The following ARHGAP23 variants were observed in gnomAD, a reference collection of about 807,000 sequenced individuals.
ARHGAP23 encodes Rho GTPase activating protein 23.
ARHGAP23 carries 34 observed loss-of-function variants against 136.3 expected under a neutral mutation model. That is an observed-to-expected ratio of 0.25 (90% CI 0.19 to 0.33). The LOEUF (loss-of-function observed/expected upper bound fraction) is 0.33, where lower values mean the gene tolerates loss of function less well. Ranked by LOEUF, ARHGAP23 falls within the 10% of genes least tolerant of loss-of-function variation. The probability of loss-of-function intolerance (pLI) is 1.00; values close to 1 mark genes in which losing one functional copy is unlikely to be tolerated. For synonymous variants in ARHGAP23, 832 were observed against 920.5 expected (o/e 0.90, Z 1.74); for missense variants, 1,808 against 2,139.0 (o/e 0.85, Z 3.05).
intron 20 of ARHGAP23, among the ~76,000 whole-genome samples, chr17:38,497,135 T>C (rs185248894): frequency 0.047 from 7,165 of 152,230 alleles, 588 homozygotes; most frequent in African/African-American, 0.16. Flanking sequence ...ATTTTTTTTT[T>C]CAGAAAACTT....
chr17:38,497,878 C>T, intron 21 of ARHGAP23, 52 bp downstream of exon 21: 1 of 1,541,842 alleles, frequency 6.5e-7, no homozygotes, highest in Non-Finnish European at 8.8e-7. Context: ...GGGGTGAGCC[C>T]CAGTCCTTGG....
intron 6 of ARHGAP23, among the ~76,000 whole-genome samples, chr17:38,463,843 C>A (rs2039518733): frequency 1.3e-5 from 2 of 152,276 alleles, no homozygotes; most frequent in African/African-American, 4.8e-5. Flanking sequence ...CACAGCACAG[C>A]CCCACAGTCC....
chr17:38,472,375 G>A (rs564792729), intron 11 of ARHGAP23, among the ~76,000 whole-genome samples: 1 of 152,058 alleles, frequency 6.6e-6, no homozygotes, highest in African/African-American at 2.4e-5. Flanking sequence ...CCAAGAAGAC[G>A]CAGGCAAGCC....
At chr17:38,452,803 A>C (rs1202612353) in intron 1 of ARHGAP23, among the ~76,000 whole-genome samples, 2 of 152,214 alleles carry the variant, frequency 1.3e-5, no homozygotes, top group Non-Finnish European at 2.9e-5. Context: ...CGAGCAGGGC[A>C]GGGGCTAGCA....
intron 1 of ARHGAP23, among the ~76,000 whole-genome samples, chr17:38,455,300 G>A (rs1215615787): frequency 6.6e-6 from 1 of 152,230 alleles, no homozygotes; most frequent in Non-Finnish European, 1.5e-5. Flanking sequence ...AAGCAGGTGT[G>A]TGGTAGCTGT....
At chr17:38,428,207 A>C (rs965162454), upstream of ARHGAP23, among the ~76,000 whole-genome samples, 153 of 152,106 alleles carry the variant, frequency 1.0e-3, no homozygotes, top group Admixed American at 2.2e-3. Context: ...CGTCTCCTGG[A>C]GACCGCCTCT....
At chr17:38,509,696 G>A (rs1014588896) in intron 23 of ARHGAP23, among the ~76,000 whole-genome samples, 1 of 152,208 alleles carries the variant, frequency 6.6e-6, no homozygotes, top group Admixed American at 6.5e-5. Flanking sequence ...ATGGAAGGGG[G>A]CTTTGGGAGA....
intron 23 of ARHGAP23, among the ~76,000 whole-genome samples, chr17:38,503,012 C>T (rs2040554387): frequency 6.6e-6 from 1 of 152,210 alleles, no homozygotes; most frequent in African/African-American, 2.4e-5. Flanking sequence ...CATGCCACTG[C>T]ACTCCAGCCT....
chr17:38,456,089 C>G (rs2039318159), intron 1 of ARHGAP23, among the ~76,000 whole-genome samples: 1 of 152,176 alleles, frequency 6.6e-6, no homozygotes. Context: ...CGGTCTGTCT[C>G]CCTTGCCTGG....
At chr17:38,434,380 C>T (rs919679083) in intron 1 of ARHGAP23, among the ~76,000 whole-genome samples, 3 of 152,224 alleles carry the variant, frequency 2.0e-5, no homozygotes, top group Non-Finnish European at 4.4e-5. Context: ...GGAATCTGGC[C>T]GAGGAGCTGG....
In ARHGAP23 at chr17:38,469,885, G is replaced by A. The variant is rs1322766836; in HGVS notation, c.1955G>A (p.Arg652Gln). 3.9e-6 allele frequency: 6 copies of A among 1,551,712 alleles called. No homozygotes were observed. Among genetic ancestry groups the A allele is most frequent in the Non-Finnish European group, 4.4e-6 (5 of 1,146,984 alleles). The change falls in exon 10 of 24, where the codon CGG becomes CAG. Residue 652 changes from arginine to glutamine, a missense_variant. Arg to Gln is a conservative substitution (Grantham distance 43). This residue lies in a region of ARHGAP23 where 859 missense variants were observed against 936.4 expected (regional missense o/e 0.92). Transcript: ENST00000622683. ...PNRIPSLRML[R>Q]SFFTDGSLDS... ...CGCATACCCAGCCTGCGGATGCTCC[G>A]GAGCTTCTTCACCGACGGGGTGAGA...
chr17:38,467,206 A>G lies in ARHGAP23; in HGVS notation c.1523A>G (p.Gln508Arg), dbSNP rs1424358827. 6.4e-7 allele frequency: 1 copy of G among 1,550,814 alleles called. No individual in the cohort carries two copies. The highest frequency in any genetic ancestry group is 1.4e-5 in the African/African-American group (1 of 73,064). The change falls in exon 7 of 24, where the codon CAG becomes CGG. Residue 508 changes from glutamine to arginine, a missense_variant. By Grantham distance (43) the Gln-to-Arg change is conservative. Coordinates refer to ENST00000622683, the MANE Select transcript of ARHGAP23 (RefSeq NM_001199417.2). ...AAGGTTCAGCTGACCCCCGCAAGAC[A>G]GATGAACCTTGGATTTGGTGACGAG... ...GRKVQLTPAR[Q>R]MNLGFGDESP...
At chr17:38,438,191 T>C (rs763926027) in intron 1 of ARHGAP23, among the ~76,000 whole-genome samples, 1 of 151,630 alleles carries the variant, frequency 6.6e-6, no homozygotes, top group South Asian at 2.1e-4. Flanking sequence ...CGTGGTGGCA[T>C]GCGCCTTTAG....
chr17:38,458,256 G>A lies in ARHGAP23; in HGVS notation c.218G>A (p.Ser73Asn). 6.6e-7 allele frequency: 1 copy of A among 1,523,102 alleles called. No individual in the cohort carries two copies. Among genetic ancestry groups the A allele is most frequent in the Non-Finnish European group, 8.8e-7 (1 of 1,139,064 alleles). The allele number at this position is 1,523,102 out of a possible 1,614,324, so 94.3% of individuals were successfully genotyped here. A position where few individuals can be genotyped will look rare whatever the true frequency, so the allele number is the denominator to read the frequency against. The change falls in exon 2 of 24, where the codon AGC (serine) becomes AAC (asparagine). Residue 73 changes from serine (S) to asparagine (N), a missense_variant. Physicochemically the swap from Ser to Asn is conservative, Grantham distance 46. Coordinates refer to ENST00000622683, the MANE Select transcript of ARHGAP23 (RefSeq NM_001199417.2). ...CCACCCGAGTCGGCCGTGCACTGCA[G>A]CCTGAAGGTATGCCCGGCTCGCCGC... ...VYPPESAVHC[S>N]LKEEENGGRG...
intron 1 of ARHGAP23, among the ~76,000 whole-genome samples, chr17:38,452,993 A>C (rs966957743): frequency 6.6e-6 from 1 of 151,980 alleles, no homozygotes; most frequent in African/African-American, 2.4e-5. Context: ...TGTGGCTGTC[A>C]CTCTGTGCAG....
intron 1 of ARHGAP23, among the ~76,000 whole-genome samples, chr17:38,455,215 GT>G (rs1354522773): frequency 6.6e-6 from 1 of 152,222 alleles, no homozygotes; most frequent in African/African-American, 2.4e-5. Flanking sequence ...AAGGATTGAG[GT>G]TAAACAAGGA....
intron 1 of ARHGAP23, among the ~76,000 whole-genome samples, chr17:38,445,494 A>G (rs1482101084): frequency 6.6e-6 from 1 of 151,952 alleles, no homozygotes; most frequent in African/African-American, 2.4e-5. Flanking sequence ...GAAAAAATAT[A>G]TATATATAAA....
intron 1 of ARHGAP23, among the ~76,000 whole-genome samples, chr17:38,434,264 C>T (rs547725141): frequency 2.6e-4 from 39 of 152,296 alleles, no homozygotes; most frequent in East Asian, 1.2e-3. Flanking sequence ...GCAAGGAGCC[C>T]GGGCCCGTAA....
At chr17:38,464,567 C>T (rs1425412488) in intron 6 of ARHGAP23, among the ~76,000 whole-genome samples, 1 of 152,228 alleles carries the variant, frequency 6.6e-6, no homozygotes, top group Non-Finnish European at 1.5e-5. Flanking sequence ...TCCCCTTGCT[C>T]TTCCTGGGGA....
Sources: gnomAD v4.1 joint callset for allele counts (sites outside exome capture counted in the v4.1 genomes callset) on GRCh38, gnomAD v4.1.1 for gene constraint, gnomAD v4.1.1 regional missense constraint, MANE v1.5 for transcripts, NCBI Gene and HGNC (gene_info 2026-07-23, HGNC 2026-07-21) for gene names.